MACROD2: variants seen among roughly 807,000 people sequenced by gnomAD.
MACROD2 encodes the protein ADP-ribose glycohydrolase MACROD2.
A neutral mutation model predicts 70.4 loss-of-function variants in MACROD2; 36 were observed. The observed-to-expected ratio is 0.51, with a 90% CI of 0.39 to 0.68. The LOEUF is 0.68. Ranked by LOEUF, MACROD2 falls within the 30% of genes least tolerant of loss-of-function variation. MACROD2 has a pLI of 0.00. For synonymous variants in MACROD2, 172 were observed against 178.8 expected (o/e 0.96, Z 0.30); for missense variants, 496 against 538.4 (o/e 0.92, Z 0.78).
In MACROD2 at chr20:15,682,368, T is replaced by C. The variant is rs916175220; in HGVS notation, c.646-180377T>C. On this transcript the variant is annotated intron_variant, in intron 8 of 17. Coordinates refer to ENST00000684519, the MANE Select transcript of MACROD2 (RefSeq NM_001351661.2). ...AATGCTTAGTTTGGTTTTGTGGAAC[T>C]GGAGCAGCTCATGGGGAAATGCTAA... Among the ~76,000 whole-genome samples the C allele has an allele frequency of 2.0e-5, 3 of 152,218 alleles. No homozygotes were observed. The East Asian group carries it at 5.8e-4, about 29-fold the overall frequency.
chr20:15,820,286 G>T (rs1568579275), intron 8 of MACROD2, among the ~76,000 whole-genome samples: 1 of 151,992 alleles, frequency 6.6e-6, no homozygotes, highest in Non-Finnish European at 1.5e-5. Flanking sequence ...AACCTCCCAG[G>T]CTCGAGTGGT....
At chr20:15,492,943 C>A (rs1334315273) in intron 7 of MACROD2, among the ~76,000 whole-genome samples, 1 of 152,050 alleles carries the variant, frequency 6.6e-6, no homozygotes, top group African/African-American at 2.4e-5. Flanking sequence ...GTTAGTATAG[C>A]AACTACTTTC....
intron 3 of MACROD2, chr20:14,323,413 A>G (rs1372237420): frequency 6.6e-6 from 1 of 152,170 alleles, no homozygotes; most frequent in African/African-American, 2.4e-5. Context: ...CAGGCATGCC[A>G]TCCTGCAGGA....
chr20:14,942,290 A>G (rs906965448), intron 5 of MACROD2, among the ~76,000 whole-genome samples: 5 of 152,176 alleles, frequency 3.3e-5, no homozygotes, highest in African/African-American at 1.2e-4. Flanking sequence ...TCAACTTGTT[A>G]GGACATATAT....
chr20:15,745,044 A>G (rs962617099), intron 8 of MACROD2, among the ~76,000 whole-genome samples: 1 of 152,156 alleles, frequency 6.6e-6, no homozygotes, highest in Non-Finnish European at 1.5e-5. Context: ...ATTACTTATA[A>G]CGTTTAAGTT....
intron 3 of MACROD2, among the ~76,000 whole-genome samples, chr20:14,314,074 A>G (rs937096572): frequency 3.3e-5 from 5 of 152,220 alleles, no homozygotes; most frequent in African/African-American, 7.2e-5. Context: ...AACCATCTAG[A>G]TAAGTGTTCT....
At chr20:14,524,308 C>T (rs1235151916) in intron 4 of MACROD2, among the ~76,000 whole-genome samples, 1 of 152,164 alleles carries the variant, frequency 6.6e-6, no homozygotes, top group African/African-American at 2.4e-5. Flanking sequence ...TTTTTCCGAA[C>T]CACCAATGTC....
chr20:15,090,848 T>G (rs1402899973), intron 5 of MACROD2, among the ~76,000 whole-genome samples: 1 of 152,066 alleles, frequency 6.6e-6, no homozygotes, highest in Non-Finnish European at 1.5e-5. Context: ...AGGGATACTT[T>G]CTGTGCCCCA....
intron 5 of MACROD2, among the ~76,000 whole-genome samples, chr20:15,191,127 A>G (rs1183251900): frequency 6.6e-6 from 1 of 152,196 alleles, no homozygotes. Context: ...AGAAGTGGGG[A>G]GAGTGAGACA....
intron 8 of MACROD2, among the ~76,000 whole-genome samples, chr20:15,555,953 A>G (rs2048164634): frequency 6.6e-6 from 1 of 151,582 alleles, no homozygotes; most frequent in Admixed American, 6.6e-5. Context: ...GAACATGTTT[A>G]TTTGATTTGG....
intron 8 of MACROD2, among the ~76,000 whole-genome samples, chr20:15,769,335 C>T (rs973602998): frequency 6.6e-6 from 1 of 152,124 alleles, no homozygotes; most frequent in Admixed American, 6.5e-5. Flanking sequence ...TTAGTACAGA[C>T]AGGGTTTCTC....
chr20:15,855,532 T>G (rs554699316), intron 8 of MACROD2, among the ~76,000 whole-genome samples: 1 of 152,252 alleles, frequency 6.6e-6, no homozygotes, highest in South Asian at 2.1e-4. Context: ...TTTAAAAAAA[T>G]TCTTATTGAA....
intron 8 of MACROD2, among the ~76,000 whole-genome samples, chr20:15,639,622 CT>C (rs1180574427): frequency 6.6e-6 from 1 of 152,174 alleles, no homozygotes; most frequent in Non-Finnish European, 1.5e-5. Flanking sequence ...CCAGAGCCAG[CT>C]TTTGGGTATC....
chr20:15,782,205 A>G (rs1273952490), intron 8 of MACROD2, among the ~76,000 whole-genome samples: 3 of 150,556 alleles, frequency 2.0e-5, no homozygotes, highest in Non-Finnish European at 4.5e-5. Context: ...CAGGACATAG[A>G]AAGCACTCAG....
intron 8 of MACROD2, among the ~76,000 whole-genome samples, chr20:15,532,279 T>A (rs752282371): frequency 1.3e-5 from 2 of 152,078 alleles, no homozygotes; most frequent in Non-Finnish European, 2.9e-5. Context: ...TCATTGTTCA[T>A]CTGAAATTCA....
intron 12 of MACROD2, among the ~76,000 whole-genome samples, chr20:15,939,987 A>G (rs993011108): frequency 6.6e-6 from 1 of 152,196 alleles, no homozygotes; most frequent in Admixed American, 6.5e-5. Context: ...CTCATGAGGA[A>G]CTTGAACAAA....
At chr20:15,714,712 A>G (rs1008350244) in intron 8 of MACROD2, among the ~76,000 whole-genome samples, 1 of 152,126 alleles carries the variant, frequency 6.6e-6, no homozygotes, top group South Asian at 2.1e-4. Context: ...CTTTTTAAAA[A>G]TTTTTACTAA....
intron 5 of MACROD2, among the ~76,000 whole-genome samples, chr20:15,180,154 G>A (rs932287185): frequency 1.2e-4 from 18 of 152,060 alleles, no homozygotes; most frequent in African/African-American, 4.3e-4. Context: ...CTCTTTGAAG[G>A]CCCTATCTCC....
intron 5 of MACROD2, among the ~76,000 whole-genome samples, chr20:15,103,623 G>A (rs895762402): frequency 1.3e-5 from 2 of 152,146 alleles, no homozygotes; most frequent in Non-Finnish European, 2.9e-5. Context: ...ACAAGCTCCT[G>A]AGTGAGTTCT....
Sources: allele counts gnomAD v4.1 joint callset (sites outside exome capture counted in the v4.1 genomes callset), GRCh38; gene constraint gnomAD v4.1.1; transcripts MANE v1.5; gene names NCBI Gene and HGNC (gene_info 2026-07-23, HGNC 2026-07-21).